The following KCNMA1 variants were observed in gnomAD, a reference collection of about 807,000 sequenced individuals.
KCNMA1 encodes the protein Calcium-activated potassium channel subunit alpha-1.
A neutral mutation model predicts 140.0 loss-of-function variants in KCNMA1; 29 were observed. The observed-to-expected ratio is 0.21, with a 90% confidence interval of 0.15 to 0.28. The LOEUF (loss-of-function observed/expected upper bound fraction) is 0.28. Ranked by LOEUF, KCNMA1 falls within the 10% of genes least tolerant of loss-of-function variation. The pLI, the probability that KCNMA1 is intolerant of heterozygous loss-of-function variation, is 1.00. For synonymous variants in KCNMA1, 612 were observed against 611.9 expected (o/e 1.00, Z 0.00); for missense variants, 880 against 1,602.2 (o/e 0.55, Z 7.70).
chr10:77,080,701 G>A (rs1487578890), intron 12 of KCNMA1, among the ~76,000 whole-genome samples: 2 of 152,092 alleles, frequency 1.3e-5, no homozygotes, highest in Non-Finnish European at 2.9e-5. Context: ...TATTGCCTAC[G>A]TAGACATCGA....
At chr10:77,198,904 C>T (rs2041586460) in intron 3 of KCNMA1, among the ~76,000 whole-genome samples, 1 of 152,128 alleles carries the variant, frequency 6.6e-6, no homozygotes, top group Admixed American at 6.6e-5. Context: ...TCCAGGAGTT[C>T]AGCCTTCTGA....
At chr10:77,183,340 A>C (rs753466243) in intron 5 of KCNMA1, 81 bp downstream of exon 5, 8 of 892,770 alleles carry the variant, frequency 9.0e-6, no homozygotes, top group Admixed American at 1.7e-5. Context: ...GTAGGGAGAC[A>C]GCCCCCTCAT....
intron 1 of KCNMA1, among the ~76,000 whole-genome samples, chr10:77,577,733 C>T (rs1214473941): frequency 6.6e-6 from 1 of 152,196 alleles, no homozygotes; most frequent in African/African-American, 2.4e-5. Flanking sequence ...GGTCTCCCAG[C>T]TAGTTGGTGG....
chr10:77,271,265 T>G (rs1434776489), intron 2 of KCNMA1, among the ~76,000 whole-genome samples: 2 of 152,210 alleles, frequency 1.3e-5, no homozygotes, highest in East Asian at 3.8e-4. Context: ...ATGTTGCAAG[T>G]GGGTACCATA....
intron 12 of KCNMA1, among the ~76,000 whole-genome samples, chr10:77,082,799 C>G (rs1212668367): frequency 6.6e-6 from 1 of 152,160 alleles, no homozygotes; most frequent in Admixed American, 6.5e-5. Context: ...CATCCACTTC[C>G]TTAAAATGAC....
chr10:77,288,757 A>G (rs1177326565), intron 2 of KCNMA1, among the ~76,000 whole-genome samples: 1 of 152,242 alleles, frequency 6.6e-6, no homozygotes, highest in Non-Finnish European at 1.5e-5. Context: ...CAGTATGGCC[A>G]ATTGATGGCC....
chr10:77,321,011 T>A (rs1277911350), intron 2 of KCNMA1, among the ~76,000 whole-genome samples: 1 of 152,228 alleles, frequency 6.6e-6, no homozygotes. Context: ...CATCAAAATA[T>A]GTCTGACTTG....
intron 3 of KCNMA1, among the ~76,000 whole-genome samples, chr10:77,199,941 T>G (rs1407151656): frequency 1.3e-5 from 2 of 152,134 alleles, no homozygotes; most frequent in Non-Finnish European, 2.9e-5. Context: ...AGTTTATTTA[T>G]TTTTTATTTT....
chr10:77,623,041 T>C (rs2091794376), intron 1 of KCNMA1, among the ~76,000 whole-genome samples: 1 of 152,242 alleles, frequency 6.6e-6, no homozygotes, highest in Non-Finnish European at 1.5e-5. Context: ...TCTCAGTTGC[T>C]AGTTTCTGTT....
intron 20 of KCNMA1, among the ~76,000 whole-genome samples, chr10:76,957,884 T>C (rs1043230078): frequency 1.3e-5 from 2 of 152,170 alleles, no homozygotes; most frequent in African/African-American, 4.8e-5. Context: ...CCAGCAACAA[T>C]AGAGTCTGTA....
intron 1 of KCNMA1, among the ~76,000 whole-genome samples, chr10:77,406,688 AC>A (rs1380838708): frequency 1.3e-5 from 2 of 151,854 alleles, no homozygotes; most frequent in East Asian, 3.9e-4. Flanking sequence ...CTCTCCCTTC[AC>A]CCAAGGACAG....
intron 23 of KCNMA1, among the ~76,000 whole-genome samples, chr10:76,925,578 C>T (rs1020811759): frequency 8.5e-5 from 13 of 152,152 alleles, no homozygotes; most frequent in Admixed American, 2.0e-4. Flanking sequence ...ATCAAAGAAA[C>T]GTGAAGAGCT....
At chr10:77,348,200 T>C (rs940886775) in intron 2 of KCNMA1, among the ~76,000 whole-genome samples, 6 of 152,122 alleles carry the variant, frequency 3.9e-5, no homozygotes, top group African/African-American at 1.4e-4. Context: ...AAGAGGGAGA[T>C]AGAGTATGCA....
At chr10:77,084,755 C>T (rs1344667224) in intron 11 of KCNMA1, 36 bp from the exon 12 acceptor site, 4 of 1,442,026 alleles carry the variant, frequency 2.8e-6, no homozygotes, top group Admixed American at 3.3e-5. Context: ...AGAACACAAA[C>T]ATATAAATAG....
At chr10:76,892,298 G>A (rs905669624) in intron 25 of KCNMA1, among the ~76,000 whole-genome samples, 1 of 152,168 alleles carries the variant, frequency 6.6e-6, no homozygotes, top group African/African-American at 2.4e-5. Flanking sequence ...CCTGGTAAGT[G>A]TACTTTGGCT....
At chr10:77,437,330 T>G (rs543328933) in intron 1 of KCNMA1, among the ~76,000 whole-genome samples, 1 of 152,148 alleles carries the variant, frequency 6.6e-6, no homozygotes, top group Non-Finnish European at 1.5e-5. Flanking sequence ...AGGCAGGAAG[T>G]TCGGTTAAAA....
intron 2 of KCNMA1, among the ~76,000 whole-genome samples, chr10:77,364,935 G>A (rs2094245527): frequency 6.6e-6 from 1 of 152,202 alleles, no homozygotes; most frequent in Non-Finnish European, 1.5e-5. Context: ...GCTAGAATCT[G>A]AACCTGCTTA....
intron 1 of KCNMA1, among the ~76,000 whole-genome samples, chr10:77,491,586 G>T (rs770241013): frequency 9.2e-5 from 14 of 152,198 alleles, no homozygotes; most frequent in Non-Finnish European, 1.5e-4. Flanking sequence ...ACTGCAGGAT[G>T]AAAGAGGGCA....
rs143254823 is a variant in KCNMA1, at chr10:76,927,398, C to T, written c.2903-12349G>A. 3.0e-3 allele frequency among the ~76,000 whole-genome samples: 450 copies of T among 152,308 alleles called. 5 individuals are homozygous for T. Among genetic ancestry groups the T allele is most frequent in the Non-Finnish European group, 4.2e-3 (286 of 68,032 alleles). On this transcript the variant is annotated intron_variant, in intron 23 of 27. Coordinates refer to ENST00000286628, the MANE Select transcript of KCNMA1 (RefSeq NM_001161352.2). ...TGAGGCCTGCAGGCACAGTACATAA[C>T]GATGGGACTCTCATAATCCAGGCAA...
Sources: gnomAD v4.1 joint callset for allele counts (sites outside exome capture counted in the v4.1 genomes callset) on GRCh38, gnomAD v4.1.1 for gene constraint, MANE v1.5 for transcripts, NCBI Gene and HGNC (gene_info 2026-07-23, HGNC 2026-07-21) for gene names.